Variants in RABGAP1L observed in about 807,000 individuals in gnomAD.
The protein encoded by RABGAP1L is rab GTPase-activating protein 1-like.
Under a neutral mutation model 137.7 loss-of-function variants are expected in RABGAP1L, and 63 were observed. The ratio of observed to expected loss-of-function variants is 0.46; its 90% CI spans 0.37 to 0.56. The LOEUF is 0.56. Among genes scored for constraint, RABGAP1L ranks in the 20% least tolerant of loss-of-function variants. RABGAP1L has a pLI of 0.00. For synonymous variants in RABGAP1L, 431 were observed against 433.7 expected (o/e 0.99, Z 0.08); for missense variants, 1,095 against 1,244.0 (o/e 0.88, Z 1.80).
At position 174,621,917 on chromosome 1, in the gene RABGAP1L, A is replaced by G. The variant is rs529701038; in HGVS notation, c.1711-15458A>G. Among the ~76,000 whole-genome samples the G allele has an allele frequency of 6.6e-5, 10 of 152,326 alleles. No homozygotes were observed. The South Asian group carries it at 8.3e-4, about 13-fold the overall frequency. ...AAACTACCATCAGAGTGAACAGGCAACCTACAAAATGGGAGAAAATTTTTG... is the reference window on the plus strand; with the variant it reads ...AAACTACCATCAGAGTGAACAGGCAGCCTACAAAATGGGAGAAAATTTTTG... On this transcript the variant is annotated intron_variant, in intron 13 of 25. Coordinates refer to ENST00000681986, the MANE Select transcript of RABGAP1L (RefSeq NM_001366446.1).
chr1:174,369,578 A>G (rs1282583252), intron 11 of RABGAP1L, among the ~76,000 whole-genome samples: 1 of 152,220 alleles, frequency 6.6e-6, no homozygotes, highest in East Asian at 1.9e-4. Flanking sequence ...TTTACATGGG[A>G]TAGTTCCTCA....
At chr1:174,748,021 CAT>C (rs1314863362) in intron 17 of RABGAP1L, among the ~76,000 whole-genome samples, 1 of 152,058 alleles carries the variant, frequency 6.6e-6, no homozygotes, top group Non-Finnish European at 1.5e-5. Flanking sequence ...GCTTCAAAAT[CAT>C]ATCACCAAAC....
chr1:174,362,972 A>G (rs561304765), intron 11 of RABGAP1L, among the ~76,000 whole-genome samples: 27 of 152,206 alleles, frequency 1.8e-4, no homozygotes, highest in Non-Finnish European at 3.8e-4. Flanking sequence ...TGCATGGTGT[A>G]AGGAAGGGGT....
At chr1:174,909,699 A>AT (rs565827031) in intron 19 of RABGAP1L, among the ~76,000 whole-genome samples, 40 of 152,248 alleles carry the variant, frequency 2.6e-4, no homozygotes, top group Non-Finnish European at 3.2e-4. Flanking sequence ...AAAAGGAAAT[A>AT]TAACAATTGA....
At chr1:174,968,777 G>A (rs1274511473) in intron 20 of RABGAP1L, among the ~76,000 whole-genome samples, 1 of 152,192 alleles carries the variant, frequency 6.6e-6, no homozygotes, top group Non-Finnish European at 1.5e-5. Flanking sequence ...GAACCCATGT[G>A]TCATGATTCT....
Position 174,550,999 on chromosome 1 carries a change from C to CATATATATATATATATATACATATAT in RABGAP1L, c.1711-86357_1711-86356insCATATATATATATATATATATATATA, listed in dbSNP as rs1666478583. ...GTATATATACATATATATATATACA[C>CATATATATATATATATATACATATAT]ATATATATATATATATATATATACA... On this transcript the variant is annotated intron_variant, in intron 13 of 25. Coordinates refer to ENST00000681986, the MANE Select transcript of RABGAP1L (RefSeq NM_001366446.1). 2.3e-5 allele frequency among the ~76,000 whole-genome samples: 2 copies of CATATATATATATATATATACATATAT among 86,372 alleles called. 1 individual carries two copies. Among genetic ancestry groups the CATATATATATATATATATACATATAT allele is most frequent in the African/African-American group, 1.7e-4 (2 of 12,032 alleles). 56.7% of individuals were successfully genotyped at this position (86,372 alleles called of 152,430 possible).
intron 18 of RABGAP1L, among the ~76,000 whole-genome samples, chr1:174,758,909 C>T (rs990569364): frequency 6.6e-6 from 1 of 152,166 alleles, no homozygotes; most frequent in Non-Finnish European, 1.5e-5. Flanking sequence ...TAGAAGTTAT[C>T]CTTAACTCTC....
chr1:174,548,280 A>G (rs1322812251), intron 13 of RABGAP1L: 1 of 1,331,178 alleles, frequency 7.5e-7, no homozygotes, highest in Non-Finnish European at 9.6e-7. Context: ...GCTATATAAC[A>G]TTAGTTAAGT....
At chr1:174,574,261 A>G (rs1668199733) in intron 13 of RABGAP1L, among the ~76,000 whole-genome samples, 1 of 152,240 alleles carries the variant, frequency 6.6e-6, no homozygotes, top group African/African-American at 2.4e-5. Context: ...CCTGATATAT[A>G]ATACAAAATA....
chr1:174,894,662 G>T (rs1402230372), intron 19 of RABGAP1L, among the ~76,000 whole-genome samples: 1 of 152,168 alleles, frequency 6.6e-6, no homozygotes, highest in African/African-American at 2.4e-5. Context: ...GGATCGAAAT[G>T]GAGCTTGGAG....
intron 19 of RABGAP1L, among the ~76,000 whole-genome samples, chr1:174,828,333 T>C (rs1341875284): frequency 2.7e-5 from 4 of 147,998 alleles, no homozygotes; most frequent in Non-Finnish European, 6.0e-5. Context: ...CTAACCTCAG[T>C]TTATCACTCC....
intron 11 of RABGAP1L, among the ~76,000 whole-genome samples, chr1:174,327,978 TACACACAC>T (rs71563255): frequency 0.058 from 1,104 of 18,942 alleles, 72 homozygotes; most frequent in East Asian, 0.25. Flanking sequence ...TATATATATA[TACACACAC>T]ATATATATAT....
intron 11 of RABGAP1L, among the ~76,000 whole-genome samples, chr1:174,318,453 T>C (rs1344898190): frequency 6.6e-6 from 1 of 152,088 alleles, no homozygotes; most frequent in Non-Finnish European, 1.5e-5. Flanking sequence ...GCGTTGTGTT[T>C]TTGTTTTGTT....
intron 12 of RABGAP1L, among the ~76,000 whole-genome samples, chr1:174,388,462 A>G (rs1417837088): frequency 5.3e-5 from 8 of 151,930 alleles, no homozygotes; most frequent in Non-Finnish European, 8.8e-5. Context: ...AACTACATGA[A>G]AAAAGCACAT....
chr1:174,780,100 A>T lies in RABGAP1L; in HGVS notation c.2211+27746A>T, dbSNP rs61828082. On this transcript the variant is annotated intron_variant, in intron 18 of 25. Coordinates refer to ENST00000681986, the MANE Select transcript of RABGAP1L (RefSeq NM_001366446.1). ...TAAATAAATAAATAAATAAATAAAT[A>T]AATAAATAAATAAATAAATTAAATA... Among the ~76,000 whole-genome samples the T allele has an allele frequency of 3.4e-3, 406 of 118,162 alleles. 2 individuals carry two copies. The highest frequency in any genetic ancestry group is 7.2e-3 in the South Asian group (26 of 3,592). The allele number at this position is 118,162 out of a possible 152,430, so 77.5% of individuals were successfully genotyped here.
rs115145014 is a variant in RABGAP1L at position 174,874,635 on chromosome 1, C to A, written c.2340+62675C>A. The A allele has an allele frequency of 1.6e-3, 643 of 406,616 alleles. 5 individuals carry two copies. The highest frequency in any genetic ancestry group is 0.013 in the African/African-American group (504 of 38,730). 25.2% of individuals were successfully genotyped at this position (406,616 alleles called of 1,614,324 possible). A position where few individuals can be genotyped will look rare whatever the true frequency, so the allele number is the denominator to read the frequency against. On this transcript the variant is annotated intron_variant, in intron 19 of 25. Transcript: ENST00000681986. ...CAGTTGCGTGGTGTGAAGGCGATAA[C>A]TGCAGACACTCAGGTGTAAACAACC...
chr1:174,223,533 AATAAT>A (rs1382047269), intron 3 of RABGAP1L, among the ~76,000 whole-genome samples: 1 of 151,804 alleles, frequency 6.6e-6, no homozygotes, highest in East Asian at 1.9e-4. Context: ...TACCAACAAA[AATAAT>A]AGGTAACAAG....
At chr1:174,302,288 A>G (rs890655328) in intron 10 of RABGAP1L, among the ~76,000 whole-genome samples, 6 of 152,216 alleles carry the variant, frequency 3.9e-5, no homozygotes, top group Non-Finnish European at 7.4e-5. Context: ...ATAGTGTTAC[A>G]TCAACAGCAC....
chr1:174,359,907 A>G (rs1683985377), intron 11 of RABGAP1L, among the ~76,000 whole-genome samples: 1 of 152,222 alleles, frequency 6.6e-6, no homozygotes, highest in Non-Finnish European at 1.5e-5. Context: ...ATAAAAAAGG[A>G]AGACATTTCA....
Sources: allele counts gnomAD v4.1 joint callset (sites outside exome capture counted in the v4.1 genomes callset), GRCh38; gene constraint gnomAD v4.1.1; transcripts MANE v1.5; gene names NCBI Gene and HGNC (gene_info 2026-07-23, HGNC 2026-07-21).